CNTNAP2: variants seen among roughly 807,000 people sequenced by gnomAD.
CNTNAP2 encodes contactin associated protein 2, also known as contactin-associated protein-like 2.
In CNTNAP2, 98 loss-of-function variants were observed where a neutral mutation model predicts 155.2. That is an observed-to-expected ratio of 0.63 (90% CI 0.54 to 0.75). The LOEUF (loss-of-function observed/expected upper bound fraction) is 0.75, where lower values mean the gene tolerates loss of function less well. Among genes scored for constraint, CNTNAP2 ranks in the 30% least tolerant of loss-of-function variants. CNTNAP2 has a pLI of 0.00. For missense variants in CNTNAP2, 1,727 were observed against 1,688.1 expected (o/e 1.02, Z -0.40); for synonymous variants, 651 against 631.2 (o/e 1.03, Z -0.47).
chr7:146,197,771 A>G (rs1798797519), intron 1 of CNTNAP2, among the ~76,000 whole-genome samples: 1 of 152,174 alleles, frequency 6.6e-6, no homozygotes, highest in Non-Finnish European at 1.5e-5. Context: ...TCAAGCTTTA[A>G]AAATATGGCT....
chr7:147,955,983 C>T (rs891766012), intron 14 of CNTNAP2, among the ~76,000 whole-genome samples: 12 of 152,046 alleles, frequency 7.9e-5, no homozygotes, highest in Non-Finnish European at 1.3e-4. Context: ...AGCAAGAATT[C>T]CATAGTAAAG....
At chr7:148,048,171 G>A (rs943215317) in intron 15 of CNTNAP2, among the ~76,000 whole-genome samples, 8 of 151,036 alleles carry the variant, frequency 5.3e-5, no homozygotes, top group East Asian at 2.0e-4. Flanking sequence ...TGATCCGCCC[G>A]CCTCGGCCTC....
Position 148,418,891 on chromosome 7 carries a change from T to C in CNTNAP2, c.*3275T>C, listed in dbSNP as rs540782598. Reference sequence around the variant, plus strand: ...GAATTCAGAGGCACAAGAAAAAGCATTGGCATGAGCCAAAGAGTCTGTCTT... The same window carrying C: ...GAATTCAGAGGCACAAGAAAAAGCACTGGCATGAGCCAAAGAGTCTGTCTT... On this transcript the variant is annotated 3_prime_UTR_variant, in exon 24 of 24. Transcript: ENST00000361727. 12 of 152,362 alleles carry C rather than the reference T, an allele frequency of 7.9e-5. No individual in the cohort carries two copies. Among genetic ancestry groups the C allele is most frequent in the Admixed American group, 2.0e-4 (3 of 15,308 alleles). 9.4% of individuals were successfully genotyped at this position (152,362 alleles called of 1,614,324 possible).
At position 147,630,962 on chromosome 7, in the gene CNTNAP2, C is replaced by T. The variant is rs7777638; in HGVS notation, c.1898-8144C>T. ...ACCTCTATTTAACATAGTACTGGAACTCCTAGCTGTAGCAATCAGACAAGA... is the reference window on the plus strand; with the variant it reads ...ACCTCTATTTAACATAGTACTGGAATTCCTAGCTGTAGCAATCAGACAAGA... On this transcript the variant is annotated intron_variant, in intron 12 of 23. Transcript: ENST00000361727. 4.0e-5 allele frequency among the ~76,000 whole-genome samples: 6 copies of T among 151,728 alleles called. No individual in the cohort carries two copies. In the East Asian group the frequency reaches 1.2e-3, roughly 29 times the overall value.
intron 1 of CNTNAP2, among the ~76,000 whole-genome samples, chr7:146,350,798 G>A (rs1794902158): frequency 6.6e-6 from 1 of 151,988 alleles, no homozygotes; most frequent in Non-Finnish European, 1.5e-5. Flanking sequence ...AACAACGATA[G>A]ACTGGATTAA....
intron 1 of CNTNAP2, among the ~76,000 whole-genome samples, chr7:146,488,388 A>G (rs550256149): frequency 5.3e-5 from 8 of 151,424 alleles, no homozygotes; most frequent in Middle Eastern, 3.4e-3. Flanking sequence ...TAATTATATC[A>G]GATTTATTTA....
chr7:146,696,904 AT>A (rs1244035050), intron 1 of CNTNAP2, among the ~76,000 whole-genome samples: 1 of 152,166 alleles, frequency 6.6e-6, no homozygotes, highest in African/African-American at 2.4e-5. Context: ...GTTTAAATTC[AT>A]TAAGCTGTGT....
rs375310534 is a variant in CNTNAP2, at chr7:148,365,750, ACATG to A, written c.3476-17898_3476-17895del. Among the ~76,000 whole-genome samples the A allele has an allele frequency of 4.1e-4, 20 of 49,038 alleles. 6 individuals carry two copies. Among genetic ancestry groups the A allele is most frequent in the African/African-American group, 7.7e-4 (14 of 18,106 alleles). The allele number at this position is 49,038 out of a possible 152,430, so 32.2% of individuals were successfully genotyped here. On this transcript the variant is annotated intron_variant, in intron 21 of 23. Coordinates refer to ENST00000361727, the MANE Select transcript of CNTNAP2 (RefSeq NM_014141.6). ...TATATATGTATGTGTATACATGTAT[ACATG>A]TATGTGTATACGTGTATACATGTAT... is the stretch of plus-strand genomic sequence containing the variant.
intron 14 of CNTNAP2, among the ~76,000 whole-genome samples, chr7:147,914,670 T>G (rs866905529): frequency 3.3e-5 from 5 of 152,122 alleles, no homozygotes; most frequent in Middle Eastern, 3.2e-3. Flanking sequence ...CAGGTGATCC[T>G]CCCACTTCAG....
intron 13 of CNTNAP2, among the ~76,000 whole-genome samples, chr7:147,653,855 T>C (rs1795486062): frequency 6.6e-6 from 1 of 152,210 alleles, no homozygotes; most frequent in Non-Finnish European, 1.5e-5. Context: ...AAGGCAGATA[T>C]TTAAGCCTAC....
intron 11 of CNTNAP2, among the ~76,000 whole-genome samples, chr7:147,546,032 A>C (rs1799723896): frequency 6.6e-6 from 1 of 152,152 alleles, no homozygotes; most frequent in Non-Finnish European, 1.5e-5. Flanking sequence ...CTCCCCAGCC[A>C]TGTGGAACAG....
At chr7:147,818,748 T>C (rs1210855245) in intron 13 of CNTNAP2, among the ~76,000 whole-genome samples, 2 of 152,196 alleles carry the variant, frequency 1.3e-5, no homozygotes, top group Non-Finnish European at 2.9e-5. Context: ...ATCCTTTTCT[T>C]TATTAGGTTT....
At chr7:147,328,626 CG>C (rs1304567214) in intron 9 of CNTNAP2, among the ~76,000 whole-genome samples, 1 of 152,156 alleles carries the variant, frequency 6.6e-6, no homozygotes, top group Non-Finnish European at 1.5e-5. Context: ...ATGAAGCAAA[CG>C]GGTTGCACTA....
At chr7:146,720,989 GTATA>G (rs763130498) in intron 1 of CNTNAP2, among the ~76,000 whole-genome samples, 11 of 96,944 alleles carry the variant, frequency 1.1e-4, no homozygotes, top group South Asian at 2.9e-4. Context: ...TATATATACT[GTATA>G]TATATAGTCT....
At chr7:146,817,213 T>C (rs1803189164) in intron 2 of CNTNAP2, among the ~76,000 whole-genome samples, 1 of 152,146 alleles carries the variant, frequency 6.6e-6, no homozygotes, top group African/African-American at 2.4e-5. Context: ...GACTCACCCC[T>C]GTAATCCCAG....
chr7:147,085,164 T>C (rs1800245980), intron 4 of CNTNAP2, among the ~76,000 whole-genome samples: 3 of 152,172 alleles, frequency 2.0e-5, no homozygotes, highest in African/African-American at 4.8e-5. Context: ...ATGAAAATTA[T>C]AGCATCTTTA....
chr7:147,732,232 C>T (rs1221184634), intron 13 of CNTNAP2, among the ~76,000 whole-genome samples: 1 of 142,740 alleles, frequency 7.0e-6, no homozygotes, highest in Non-Finnish European at 1.5e-5. Context: ...GTTCCCCTTC[C>T]TGTGTCCAAG....
At chr7:147,494,765 G>A (rs970491842) in intron 11 of CNTNAP2, among the ~76,000 whole-genome samples, 7 of 152,026 alleles carry the variant, frequency 4.6e-5, no homozygotes, top group African/African-American at 7.2e-5. Flanking sequence ...GATAAGGAAC[G>A]GAGCTTCAGG....
chr7:147,631,234 A>AAGT (rs1171767622), intron 12 of CNTNAP2, among the ~76,000 whole-genome samples: 1 of 152,076 alleles, frequency 6.6e-6, no homozygotes, highest in Non-Finnish European at 1.5e-5. Flanking sequence ...CAGCTTCACA[A>AAGT]AGTAATAATA....
Sources: allele counts gnomAD v4.1 joint callset (sites outside exome capture counted in the v4.1 genomes callset), GRCh38; gene constraint gnomAD v4.1.1; transcripts MANE v1.5; gene names NCBI Gene and HGNC (gene_info 2026-07-23, HGNC 2026-07-21).